NR5A2: variants seen among roughly 807,000 people sequenced by gnomAD.
NR5A2 encodes CYP7A promoter-binding factor.
In NR5A2, 26 loss-of-function variants were observed where a neutral mutation model predicts 62.7. The ratio of observed to expected loss-of-function variants is 0.41; its 90% CI spans 0.30 to 0.58. The LOEUF (loss-of-function observed/expected upper bound fraction) is 0.58. Ranked by LOEUF, NR5A2 falls within the 20% of genes least tolerant of loss-of-function variation. The pLI is 0.22. For missense variants in NR5A2, 541 were observed against 669.1 expected, an observed-to-expected ratio of 0.81 and a Z score of 2.11; for synonymous variants, 246 against 241.7, an observed-to-expected ratio of 1.02 and a Z score of -0.16.
At chr1:200,110,496 A>T (rs77898694) in intron 5 of NR5A2, among the ~76,000 whole-genome samples, 2,363 of 152,258 alleles carry the variant, frequency 0.016, 73 homozygotes, top group African/African-American at 0.054. Flanking sequence ...CCTCATAGCA[A>T]CCTTGTCAGG....
At chr1:200,145,490 G>GTT (rs1477530830) in intron 7 of NR5A2, among the ~76,000 whole-genome samples, 1 of 144,402 alleles carries the variant, frequency 6.9e-6, no homozygotes, top group Non-Finnish European at 1.5e-5. Flanking sequence ...GTGTGTGTGT[G>GTT]TGTGTGTGTG....
In NR5A2 at chr1:200,048,797, T is replaced by C. The variant is rs1031516851; in HGVS notation, c.1089T>C (p.Ser363=). 2 of 1,614,132 alleles carry C rather than the reference T, an allele frequency of 1.2e-6. No homozygotes were observed. Among genetic ancestry groups the C allele is most frequent in the South Asian group, 1.1e-5 (1 of 91,086 alleles). The part of the protein sequence containing the change: ...LFSIVEWARS[S]IFFRELKVDD... ...CCATTGTCGAGTGGGCCAGGAGTAG[T>C]ATCTTCTTCAGAGAACTTAAGGTAT... Residue 363 remains serine, a synonymous_variant, in exon 5 of 8, where the codon AGT becomes AGC. Coordinates refer to ENST00000367362, the MANE Select transcript of NR5A2 (RefSeq NM_205860.3). The surrounding 1 kb of genome is among the most constrained non-coding windows in gnomAD (Gnocchi z 4.8).
rs1043517339 is a variant in NR5A2, at chr1:200,177,380, G to A, written c.*3170G>A. 6.6e-6 allele frequency: 1 copy of A among 151,954 alleles called. No homozygotes were observed. Among genetic ancestry groups the A allele is most frequent in the African/African-American group, 2.4e-5 (1 of 41,194 alleles). The allele number at this position is 151,954 out of a possible 1,614,324, so 9.4% of individuals were successfully genotyped here. A position where few individuals can be genotyped will look rare whatever the true frequency, so the allele number is the denominator to read the frequency against. Reference sequence around the variant, plus strand: ...CAACAAAATGGAATTTTTTTTTTCAGTATTTCAATAAATATTGATATGCCC... The same window carrying A: ...CAACAAAATGGAATTTTTTTTTTCAATATTTCAATAAATATTGATATGCCC... On this transcript the variant is annotated 3_prime_UTR_variant, in exon 8 of 8. Coordinates refer to ENST00000367362, the MANE Select transcript of NR5A2 (RefSeq NM_205860.3).
chr1:200,081,241 T>G (rs1278598656), intron 5 of NR5A2, among the ~76,000 whole-genome samples: 1 of 152,214 alleles, frequency 6.6e-6, no homozygotes, highest in African/African-American at 2.4e-5. Context: ...CACACAGGCA[T>G]GCTTTTCAAT....
At chr1:200,152,837 T>C (rs951299945) in intron 7 of NR5A2, among the ~76,000 whole-genome samples, 1 of 152,196 alleles carries the variant, frequency 6.6e-6, no homozygotes, top group Non-Finnish European at 1.5e-5. Flanking sequence ...GAGAGTTTAA[T>C]GCTCCAAAAG....
chr1:200,047,893 T>C (rs1052111138), intron 4 of NR5A2, among the ~76,000 whole-genome samples: 28 of 152,178 alleles, frequency 1.8e-4, no homozygotes, highest in Non-Finnish European at 2.9e-4. Context: ...GAAATATTTC[T>C]ATGTCTAACA....
intron 5 of NR5A2, among the ~76,000 whole-genome samples, chr1:200,060,279 A>C (rs988021094): frequency 1.2e-4 from 18 of 152,146 alleles, no homozygotes; most frequent in African/African-American, 2.7e-4. Flanking sequence ...CCTTCAGGTG[A>C]AATGTGGTTG....
At chr1:200,137,146 T>TATTC (rs752234132) in intron 7 of NR5A2, among the ~76,000 whole-genome samples, 2 of 150,864 alleles carry the variant, frequency 1.3e-5, no homozygotes, top group Non-Finnish European at 3.0e-5. Context: ...GATTTTATTT[T>TATTC]ATTTATTTAT....
chr1:200,086,014 C>T (rs1157697556), intron 5 of NR5A2, among the ~76,000 whole-genome samples: 2 of 152,128 alleles, frequency 1.3e-5, no homozygotes, highest in East Asian at 1.9e-4. Flanking sequence ...TCCATAGTCA[C>T]CTCTGTCCAT....
intron 6 of NR5A2, among the ~76,000 whole-genome samples, chr1:200,115,108 T>A (rs564553229): frequency 6.6e-6 from 1 of 152,314 alleles, no homozygotes; most frequent in East Asian, 1.9e-4. Flanking sequence ...AAGCACATTG[T>A]TACAGTAGAT....
intron 1 of NR5A2, among the ~76,000 whole-genome samples, chr1:200,036,681 T>C (rs765903680): frequency 1.3e-5 from 2 of 152,158 alleles, no homozygotes; most frequent in Non-Finnish European, 2.9e-5. Context: ...CCAGGGGATC[T>C]GAAATAGGGC....
chr1:200,074,386 G>A (rs1179626214), intron 5 of NR5A2, among the ~76,000 whole-genome samples: 1 of 144,612 alleles, frequency 6.9e-6, no homozygotes, highest in African/African-American at 2.6e-5. Context: ...GCAAGACCCT[G>A]TCTTTAATCT....
At chr1:200,130,104 A>G (rs925535257) in intron 7 of NR5A2, among the ~76,000 whole-genome samples, 1 of 152,186 alleles carries the variant, frequency 6.6e-6, no homozygotes, top group Non-Finnish European at 1.5e-5. Context: ...TCTGCCACCA[A>G]ATTAGGTGTT....
intron 7 of NR5A2, among the ~76,000 whole-genome samples, chr1:200,159,485 G>A (rs951299011): frequency 2.0e-5 from 3 of 152,220 alleles, no homozygotes; most frequent in South Asian, 2.1e-4. Flanking sequence ...CTTTGCCTTC[G>A]TGCTTGAGCA....
intron 5 of NR5A2, among the ~76,000 whole-genome samples, chr1:200,094,572 G>A (rs972722464): frequency 2.6e-5 from 3 of 114,222 alleles, no homozygotes; most frequent in African/African-American, 3.5e-5. Flanking sequence ...TCGCTCTGTC[G>A]CCCAGGCTGG....
At chr1:200,069,934 G>A (rs1663661784) in intron 5 of NR5A2, among the ~76,000 whole-genome samples, 1 of 151,996 alleles carries the variant, frequency 6.6e-6, no homozygotes, top group African/African-American at 2.4e-5. Context: ...AAAATAGGAT[G>A]TTAGAGATAT....
intron 6 of NR5A2, among the ~76,000 whole-genome samples, chr1:200,114,579 C>T (rs1666130779): frequency 6.6e-6 from 1 of 152,118 alleles, no homozygotes; most frequent in Non-Finnish European, 1.5e-5. Context: ...CCTCACCTGT[C>T]CAGTGGCAAC....
At chr1:200,057,495 T>A in intron 5 of NR5A2, 1 of 229,014 alleles carries the variant, frequency 4.4e-6, no homozygotes, top group Non-Finnish European at 8.9e-6. Context: ...TTCTTTTTTT[T>A]TGAGACAGGG....
intron 7 of NR5A2, among the ~76,000 whole-genome samples, chr1:200,135,304 T>G (rs544571674): frequency 6.6e-6 from 1 of 152,270 alleles, no homozygotes; most frequent in Non-Finnish European, 1.5e-5. Flanking sequence ...GTGGATCACC[T>G]GAGGTCGCGA....
Sources: allele counts gnomAD v4.1 joint callset (sites outside exome capture counted in the v4.1 genomes callset), GRCh38; gene constraint gnomAD v4.1.1; non-coding constraint Gnocchi (gnomAD v3.1); transcripts MANE v1.5; gene names NCBI Gene and HGNC (gene_info 2026-07-23, HGNC 2026-07-21).